Variants in MCF2L observed in about 807,000 individuals in gnomAD.
MCF2L encodes guanine nucleotide exchange factor DBS.
Under a neutral mutation model 153.4 loss-of-function variants are expected in MCF2L, and 97 were observed. The ratio of observed to expected loss-of-function variants is 0.63; its 90% CI spans 0.54 to 0.75. MCF2L has a LOEUF of 0.75. MCF2L is among the 30% of genes least tolerant of loss of function. The pLI is 0.00. For synonymous variants in MCF2L, 659 were observed against 632.2 expected, an observed-to-expected ratio of 1.04 and a Z score of -0.64; for missense variants, 1,347 against 1,495.2, an observed-to-expected ratio of 0.90 and a Z score of 1.64.
At position 112,983,717 on chromosome 13, in the gene MCF2L, C is replaced by T. The variant is rs1458563639; in HGVS notation, c.79+14259C>T. ...TTCAGTGCTCTGACGCACTGTGGCCCCGGGGAAGCGTGGTGTCTGCAGCCT... is the reference window on the plus strand; with the variant it reads ...TTCAGTGCTCTGACGCACTGTGGCCTCGGGGAAGCGTGGTGTCTGCAGCCT... On this transcript the variant is annotated intron_variant, in intron 1 of 29. Transcript: ENST00000535094. The surrounding 1 kb of genome is among the most constrained non-coding windows in gnomAD (Gnocchi z 4.0). Among the ~76,000 whole-genome samples, 1 of 152,220 alleles carries T rather than the reference C, an allele frequency of 6.6e-6. No homozygotes were observed. Among genetic ancestry groups the T allele is most frequent in the Non-Finnish European group, 1.5e-5 (1 of 68,042 alleles).
intron 2 of MCF2L, among the ~76,000 whole-genome samples, chr13:112,906,652 G>C (rs1202439639): frequency 6.6e-6 from 1 of 152,248 alleles, no homozygotes; most frequent in Non-Finnish European, 1.5e-5. Flanking sequence ...TGGTGGGCCA[G>C]GTGAGAGCAG....
In MCF2L at chr13:113,075,125, C is replaced by A. The variant is rs142444839; in HGVS notation, c.1244C>A (p.Ala415Glu). Residue 415 changes from alanine (A) to glutamate (E), a missense_variant, in exon 11 of 30, where the codon GCG (alanine) becomes GAG (glutamate). Transcript: ENST00000535094. ...ELRHLCDQFS[A>E]EIARRRGLLS... is the part of the protein sequence containing the mutation. Reference sequence around the variant, plus strand: ...CGGCACCTCTGTGACCAGTTCTCTGCGGAGATCGCAAGGAGGAGGGGGCTG... The same window carrying A: ...CGGCACCTCTGTGACCAGTTCTCTGAGGAGATCGCAAGGAGGAGGGGGCTG... 1 of 1,613,076 alleles carries A rather than the reference C, an allele frequency of 6.2e-7. No homozygotes were observed. The highest frequency in any genetic ancestry group is 1.3e-5 in the African/African-American group (1 of 74,900).
intron 3 of MCF2L, among the ~76,000 whole-genome samples, chr13:113,025,797 A>C (rs1244068824): frequency 9.3e-6 from 1 of 107,410 alleles, no homozygotes; most frequent in South Asian, 3.4e-4. Flanking sequence ...TTTCCCTGTC[A>C]TGGGGTCCCC....
intron 2 of MCF2L, among the ~76,000 whole-genome samples, chr13:112,923,712 T>G (rs1252233658): frequency 6.6e-6 from 1 of 152,192 alleles, no homozygotes; most frequent in African/African-American, 2.4e-5. Context: ...AACACACTCT[T>G]CTCTAATCAC....
chr13:112,974,397 G>A (rs2082149903), intron 1 of MCF2L, among the ~76,000 whole-genome samples: 2 of 152,126 alleles, frequency 1.3e-5, no homozygotes, highest in South Asian at 2.1e-4. Context: ...TGAAGCCCCC[G>A]GCGTGGCCAA....
At chr13:113,081,370 C>G (rs1331198559) in intron 16 of MCF2L, 91 bp downstream of exon 16, 4 of 1,278,908 alleles carry the variant, frequency 3.1e-6, no homozygotes, top group African/African-American at 1.5e-5. Flanking sequence ...CTCGGAGCAG[C>G]CTGCTGTCCA....
rs2085715220 is a variant in MCF2L, at chr13:113,031,433, G to T, written c.278+6675G>T. 6.6e-6 allele frequency among the ~76,000 whole-genome samples: 1 copy of T among 152,182 alleles called. No individual in the cohort carries two copies. The highest frequency in any genetic ancestry group is 1.5e-5 in the Non-Finnish European group (1 of 68,028). On this transcript the variant is annotated intron_variant, in intron 3 of 29. Transcript: ENST00000535094. This position sits in a 1 kb window ranked among gnomAD's most constrained non-coding sequence, Gnocchi z 5.5. ...TTTGGGGGCAGCGAACGCACCAGGG[G>T]GCAGGACAGAGTGCCGGGGAGTCGG...
Position 113,064,112 on chromosome 13 carries a change from C to T in MCF2L, c.490-192C>T, listed in dbSNP as rs762602885. On this transcript the variant is annotated intron_variant, in intron 5 of 29. Coordinates refer to ENST00000535094, the MANE Select transcript of MCF2L (RefSeq NM_001112732.3). This position sits in a 1 kb window ranked among gnomAD's most constrained non-coding sequence, Gnocchi z 6.0. Reference sequence around the variant, plus strand: ...CACACGCCACCACGAGAGGAGGTGTCGGCGGGGCGCTGAGCTGCATCCCAT... The same window carrying T: ...CACACGCCACCACGAGAGGAGGTGTTGGCGGGGCGCTGAGCTGCATCCCAT... 7.2e-5 allele frequency among the ~76,000 whole-genome samples: 11 copies of T among 152,220 alleles called. No individual in the cohort carries two copies. Among genetic ancestry groups the T allele is most frequent in the Non-Finnish European group, 1.2e-4 (8 of 68,032 alleles).
At chr13:112,916,615 ATAGGTGGC>A (rs1400751024) in intron 2 of MCF2L, among the ~76,000 whole-genome samples, 2 of 152,178 alleles carry the variant, frequency 1.3e-5, no homozygotes, top group South Asian at 2.1e-4. Flanking sequence ...TGGGGTCTGT[ATAGGTGGC>A]TGTCATGTGT....
At chr13:113,058,403 A>G (rs1233023016) in intron 4 of MCF2L, among the ~76,000 whole-genome samples, 287 of 73,744 alleles carry the variant, frequency 3.9e-3, no homozygotes, top group Middle Eastern at 0.031. Flanking sequence ...GGTGCTGAGT[A>G]TTTGGGTGCT....
intron 3 of MCF2L, among the ~76,000 whole-genome samples, chr13:113,033,396 T>TTA (rs1566773561): frequency 1.0e-4 from 2 of 19,772 alleles, no homozygotes; most frequent in Non-Finnish European, 1.9e-4. Flanking sequence ...GCCCCCGTGA[T>TTA]GTGAGTGGAC....
In MCF2L at chr13:113,096,626, G is replaced by A. The variant is rs1239576508; in HGVS notation, c.3265G>A (p.Gly1089Ser). 1.9e-6 allele frequency: 3 copies of A among 1,593,278 alleles called. No homozygotes were observed. The highest frequency in any genetic ancestry group is 2.3e-5 in the East Asian group (1 of 44,366). Residue 1089 changes from glycine (G) to serine (S), a missense_variant, in exon 29 of 30, where the codon GGC (glycine) becomes AGC (serine). Coordinates refer to ENST00000535094, the MANE Select transcript of MCF2L (RefSeq NM_001112732.3). ...CCTGTCCGTCCGGCTCGGCCCGTCC[G>A]GCTCGGCCCAGTGCCTGAGCAGCTC... Reference protein sequence around the residue: ...SSLSVRLGPSGSAQCLSSSES... With the variant: ...SSLSVRLGPSSSAQCLSSSES...
At chr13:112,963,125 C>T (rs2081852753) in intron 2 of MCF2L, among the ~76,000 whole-genome samples, 1 of 152,222 alleles carries the variant, frequency 6.6e-6, no homozygotes, top group African/African-American at 2.4e-5. Context: ...CCTGGCTCGG[C>T]TCTGCCCTGG....
At chr13:113,011,821 TGGACACTGTGATGCGGAC>T in intron 1 of MCF2L, among the ~76,000 whole-genome samples, 3 of 90,790 alleles carry the variant, frequency 3.3e-5, no homozygotes, top group African/African-American at 1.4e-4. Flanking sequence ...GTGTGGACGG[TGGACACTGTGATGCGGAC>T]GGTGGACAGG....
At chr13:112,986,730 G>T (rs746295658) in intron 1 of MCF2L, among the ~76,000 whole-genome samples, 29 of 152,240 alleles carry the variant, frequency 1.9e-4, no homozygotes, top group Non-Finnish European at 4.3e-4. Flanking sequence ...ACACTGGGCC[G>T]AGGGTGCCAA....
At chr13:112,924,057 C>A (rs923154702) in intron 2 of MCF2L, among the ~76,000 whole-genome samples, 3 of 152,078 alleles carry the variant, frequency 2.0e-5, no homozygotes, top group Non-Finnish European at 4.4e-5. Flanking sequence ...CGGTTTATCC[C>A]GTTACTGGTG....
intron 1 of MCF2L, among the ~76,000 whole-genome samples, chr13:112,987,399 C>T (rs1436859936): frequency 6.6e-6 from 1 of 152,118 alleles, no homozygotes; most frequent in Non-Finnish European, 1.5e-5. Flanking sequence ...TCTTTTTCCT[C>T]TCTTGCTTTT....
intron 2 of MCF2L, among the ~76,000 whole-genome samples, chr13:112,912,665 T>G (rs1295078129): frequency 1.3e-5 from 2 of 152,230 alleles, no homozygotes; most frequent in Non-Finnish European, 2.9e-5. Flanking sequence ...CATTTCTTTT[T>G]TATTTATTTG....
At chr13:112,922,429 C>T (rs1045576829) in intron 2 of MCF2L, among the ~76,000 whole-genome samples, 2 of 152,076 alleles carry the variant, frequency 1.3e-5, no homozygotes, top group African/African-American at 4.8e-5. Flanking sequence ...ACATTGATCC[C>T]CAAACCTGGC....
Sources: allele counts gnomAD v4.1 joint callset (sites outside exome capture counted in the v4.1 genomes callset), GRCh38; gene constraint gnomAD v4.1.1; non-coding constraint Gnocchi (gnomAD v3.1); transcripts MANE v1.5; gene names NCBI Gene and HGNC (gene_info 2026-07-23, HGNC 2026-07-21).